ZZEF1: variants seen among roughly 807,000 people sequenced by gnomAD.
ZZEF1 encodes the protein zinc finger ZZ-type and EF-hand domain containing 1, also known as zinc finger ZZ-type and EF-hand domain-containing protein 1.
Under a neutral mutation model 342.8 loss-of-function variants are expected in ZZEF1, and 157 were observed. The ratio of observed to expected loss-of-function variants is 0.46; its 90% confidence interval spans 0.40 to 0.52. The LOEUF (loss-of-function observed/expected upper bound fraction) is 0.52. Among genes scored for constraint, ZZEF1 ranks in the 20% least tolerant of loss-of-function variants. ZZEF1 has a pLI of 0.00. For synonymous variants in ZZEF1, 1,505 were observed against 1,429.1 expected (o/e 1.05, Z -1.20); for missense variants, 3,480 against 3,725.6 (o/e 0.93, Z 1.72).
chr17:4,114,146 A>T (rs1710668281), intron 4 of ZZEF1, among the ~76,000 whole-genome samples, 153 bp downstream of exon 4: 1 of 152,258 alleles, frequency 6.6e-6, no homozygotes, highest in African/African-American at 2.4e-5. Flanking sequence ...ATTATCTGTT[A>T]GGAATATATA....
At chr17:4,102,776 G>T (rs1448139398) in intron 8 of ZZEF1, among the ~76,000 whole-genome samples, 1 of 152,000 alleles carries the variant, frequency 6.6e-6, no homozygotes, top group Non-Finnish European at 1.5e-5. Context: ...TATTACAATT[G>T]CATTTAAATA....
At chr17:4,055,391 C>T (rs1179445094) in intron 33 of ZZEF1, among the ~76,000 whole-genome samples, 2 of 152,248 alleles carry the variant, frequency 1.3e-5, no homozygotes, top group Non-Finnish European at 2.9e-5. Flanking sequence ...TCTGAGGCAG[C>T]AGATGCTTGG....
chr17:4,055,246 C>T (rs1440986855), intron 33 of ZZEF1, among the ~76,000 whole-genome samples: 1 of 152,132 alleles, frequency 6.6e-6, no homozygotes, highest in African/African-American at 2.4e-5. Flanking sequence ...ACAGAACTCC[C>T]AAAAGGTATT....
chr17:4,069,601 C>T (rs1298180500), intron 26 of ZZEF1, among the ~76,000 whole-genome samples: 1 of 152,168 alleles, frequency 6.6e-6, no homozygotes, highest in Non-Finnish European at 1.5e-5. Flanking sequence ...GAGGCTGAGG[C>T]AGGCAGATCA....
intron 28 of ZZEF1, among the ~76,000 whole-genome samples, chr17:4,065,859 A>G (rs2057381833): frequency 6.6e-6 from 1 of 152,128 alleles, no homozygotes; most frequent in South Asian, 2.1e-4. Flanking sequence ...GGCCAGGTGC[A>G]GTGGCTCATG....
At chr17:4,055,679 CATCAGCTTTAAGAGCCAATTTTTCA>C (rs1420842189) in intron 33 of ZZEF1, among the ~76,000 whole-genome samples, 3 of 152,330 alleles carry the variant, frequency 2.0e-5, no homozygotes, top group East Asian at 3.9e-4. Context: ...TCATATTGTA[CATCAGCTTTAAGAGCCAATTTTTCA>C]ATGAGTCTAG....
At chr17:4,044,427 C>T (rs574191722) in intron 37 of ZZEF1, 53 bp from the exon 38 acceptor site, 2 of 1,524,668 alleles carry the variant, frequency 1.3e-6, no homozygotes, top group Non-Finnish European at 1.8e-6. Flanking sequence ...AAAGTTTGCT[C>T]CATGATTATG....
At chr17:4,053,944 C>T in intron 34 of ZZEF1, 113 bp downstream of exon 34, 2 of 1,225,192 alleles carry the variant, frequency 1.6e-6, no homozygotes, top group Non-Finnish European at 2.2e-6. Context: ...AGAGAAAATA[C>T]CACTGGGCAG....
chr17:4,020,015 T>C (rs2144975391), intron 45 of ZZEF1: 2 of 401,818 alleles, frequency 5.0e-6, no homozygotes, highest in Non-Finnish European at 4.4e-6. Context: ...AGAAATATCC[T>C]GTCAACAAAA....
chr17:4,103,402 C>G (rs980535069), intron 8 of ZZEF1, among the ~76,000 whole-genome samples: 1 of 151,366 alleles, frequency 6.6e-6, no homozygotes, highest in African/African-American at 2.4e-5. Context: ...TTTTAACTAG[C>G]CAGGTGTGGT....
chr17:4,084,099 G>C (rs915148200), intron 16 of ZZEF1, among the ~76,000 whole-genome samples: 1 of 152,176 alleles, frequency 6.6e-6, no homozygotes, highest in Non-Finnish European at 1.5e-5. Flanking sequence ...ACGACAGTAA[G>C]CATCCTTGTC....
In ZZEF1 at chr17:4,079,255, T is replaced by C. The variant is rs183036445; in HGVS notation, c.2830-1213A>G. Among the ~76,000 whole-genome samples the C allele has an allele frequency of 7.9e-5, 12 of 152,282 alleles. No homozygotes were observed. In the East Asian group the frequency reaches 2.1e-3, roughly 27 times the overall value. The stretch of plus-strand genomic sequence containing the variant: ...ACGTGCGGGGCAGAATCGACTCCTA[T>C]GAGAACCAGGTGAGAACGCTGAAGT... On this transcript the variant is annotated intron_variant, in intron 18 of 54. Transcript: ENST00000381638.
intron 43 of ZZEF1, among the ~76,000 whole-genome samples, chr17:4,023,048 G>C (rs868459552): frequency 5.9e-5 from 9 of 152,136 alleles, no homozygotes; most frequent in Non-Finnish European, 1.2e-4. Context: ...GGCTGACAAA[G>C]ACCTACAAGG....
At chr17:4,034,812 C>T (rs1250896593) in intron 39 of ZZEF1, among the ~76,000 whole-genome samples, 1 of 152,166 alleles carries the variant, frequency 6.6e-6, no homozygotes, top group Non-Finnish European at 1.5e-5. Context: ...GCCTGGGCAA[C>T]ATAGTGAGAC....
At chr17:4,009,194 G>A (rs1224297200) in intron 53 of ZZEF1, 3 of 586,958 alleles carry the variant, frequency 5.1e-6, no homozygotes, top group Non-Finnish European at 9.1e-6. Flanking sequence ...CCCTCCTCAA[G>A]CCAGTTTCCT....
At chr17:4,085,454 G>C (rs2057801066) in intron 16 of ZZEF1, among the ~76,000 whole-genome samples, 1 of 152,182 alleles carries the variant, frequency 6.6e-6, no homozygotes, top group South Asian at 2.1e-4. Context: ...CACTTTGTGA[G>C]ACATCCGATC....
chr17:4,047,768 C>T (rs1226276542), intron 37 of ZZEF1, among the ~76,000 whole-genome samples: 20 of 151,366 alleles, frequency 1.3e-4, no homozygotes, highest in Non-Finnish European at 2.1e-4. Flanking sequence ...TGGTGAAACC[C>T]GTCTCTACTA....
intron 29 of ZZEF1, among the ~76,000 whole-genome samples, 183 bp downstream of exon 29, chr17:4,064,178 C>A (rs2057343810): frequency 6.6e-6 from 1 of 151,052 alleles, no homozygotes; most frequent in African/African-American, 2.4e-5. Context: ...ACCGTGCCCA[C>A]CCAAAAATTA....
At chr17:4,097,661 T>C (rs1597887593) in intron 9 of ZZEF1, among the ~76,000 whole-genome samples, 1 of 152,152 alleles carries the variant, frequency 6.6e-6, no homozygotes. Flanking sequence ...ATGTTGCTGA[T>C]TATTCCTTAT....
Sources: allele counts gnomAD v4.1 joint callset (sites outside exome capture counted in the v4.1 genomes callset), GRCh38; gene constraint gnomAD v4.1.1; transcripts MANE v1.5; gene names NCBI Gene and HGNC (gene_info 2026-07-23, HGNC 2026-07-21).